Variants in CCDC33 observed in about 807,000 individuals in gnomAD.
CCDC33 encodes the protein coiled-coil domain containing 33.
A neutral mutation model predicts 91.9 loss-of-function variants in CCDC33; 94 were observed. The observed-to-expected ratio is 1.02, with a 90% CI of 0.87 to 1.21. CCDC33 has a LOEUF of 1.21. Ranked by LOEUF, CCDC33 falls within the 50% of genes most tolerant of loss-of-function variation. The probability of loss-of-function intolerance (pLI) is 0.00; values close to 1 mark genes in which losing one functional copy is unlikely to be tolerated. For synonymous variants in CCDC33, 396 were observed against 374.5 expected (o/e 1.06, Z -0.66); for missense variants, 940 against 935.5 (o/e 1.00, Z -0.06).
chr15:74,212,360 G>T (rs2074376366), upstream of CCDC33: 1 of 152,304 alleles, frequency 6.6e-6, no homozygotes, highest in Admixed American at 6.5e-5. Flanking sequence ...GTCTGGCAGA[G>T]GGGGGCTGTC....
chr15:74,223,421 G>A lies in CCDC33; in HGVS notation c.675+4560G>A, dbSNP rs571380762. On this transcript the variant is annotated intron_variant, in intron 2 of 2. Transcript: ENST00000635913. ...GTTCCCCCTCCTCCTCCTTTCCTGC[G>A]CTTCACCAAACACAGAGGACTGGAG... Among the ~76,000 whole-genome samples the A allele has an allele frequency of 1.5e-3, 221 of 152,158 alleles. 1 individual carries two copies. Among genetic ancestry groups the A allele is most frequent in the South Asian group, 7.9e-3 (38 of 4,810 alleles).
intron 11 of CCDC33, among the ~76,000 whole-genome samples, chr15:74,321,409 C>T (rs1445190184): frequency 1.3e-5 from 2 of 151,262 alleles, no homozygotes; most frequent in East Asian, 2.0e-4. Flanking sequence ...GGATTACAGG[C>T]ATCCACCACC....
At chr15:74,231,488 G>A (rs898566535), upstream of CCDC33, among the ~76,000 whole-genome samples, 2 of 152,230 alleles carry the variant, frequency 1.3e-5, no homozygotes, top group African/African-American at 4.8e-5. Context: ...CATTCAAAAG[G>A]CCAGGTGTTT....
chr15:74,207,822 T>G (rs375111627), intron 1 of CCDC33: 44 of 1,535,084 alleles, frequency 2.9e-5, no homozygotes, highest in South Asian at 2.7e-4. Context: ...CCAACTGCCC[T>G]TCGCACACAT....
Position 74,223,396 on chromosome 15 carries a change from G to T in CCDC33, c.675+4535G>T, listed in dbSNP as rs1029025846. Among the ~76,000 whole-genome samples, 6 of 152,164 alleles carry T rather than the reference G, an allele frequency of 3.9e-5. No homozygotes were observed. The East Asian group carries it at 9.6e-4, about 24-fold the overall frequency. On this transcript the variant is annotated intron_variant, in intron 2 of 2. Transcript: ENST00000635913. ...GATGTCCCAGCCCTTGGGTACTGGG[G>T]TTCCCCCTCCTCCTCCTTTCCTGCG...
chr15:74,330,097 G>C, intron 11 of CCDC33, 92 bp from the exon 12 acceptor site: 1 of 1,433,220 alleles, frequency 7.0e-7, no homozygotes, highest in Non-Finnish European at 9.4e-7. Context: ...CTGGCCTTGT[G>C]GGGGACCCAC....
intron 3 of CCDC33, 79 bp downstream of exon 3, chr15:74,262,652 C>T (rs2076058958): frequency 6.7e-7 from 1 of 1,482,418 alleles, no homozygotes; most frequent in South Asian, 1.3e-5. Context: ...GAAGCAGGCT[C>T]CCTCTCACTG....
chr15:74,323,525 T>C lies in CCDC33; in HGVS notation c.1291-6664T>C, dbSNP rs551578175. ...CTTTGCTTCTTTATTTTTTTATTTT[T>C]TAATTATTTTTTTTATTTTTGGGAC... On this transcript the variant is annotated intron_variant, in intron 11 of 18. Coordinates refer to ENST00000398814, the MANE Select transcript of CCDC33 (RefSeq NM_025055.5). Among the ~76,000 whole-genome samples the C allele has an allele frequency of 2.8e-3, 310 of 112,580 alleles. 2 individuals are homozygous for C. The highest frequency in any genetic ancestry group is 0.013 in the African/African-American group (294 of 22,204). 73.9% of individuals were successfully genotyped at this position (112,580 alleles called of 152,430 possible).
chr15:74,328,694 G>A (rs2060361108), intron 11 of CCDC33, among the ~76,000 whole-genome samples: 1 of 152,214 alleles, frequency 6.6e-6, no homozygotes, highest in Admixed American at 6.5e-5. Context: ...AGTGGTGTCT[G>A]GTGGGCCCCT....
chr15:74,272,843 C>T lies in CCDC33; in HGVS notation c.711C>T (p.Ser237=). 1.2e-6 allele frequency: 2 copies of T among 1,614,228 alleles called. No homozygotes were observed. The highest frequency in any genetic ancestry group is 1.1e-5 in the South Asian group (1 of 91,080). ...CCCCACTGTCCTTCCCTATCCCGTC[C>T]ATGATGAACTTTGACGTGCCTCGCG... ...PITPLSFPIP[S]MMNFDVPRVS... The change falls in exon 7 of 19, where the codon TCC becomes TCT. Residue 237 remains serine, a synonymous_variant. Coordinates refer to ENST00000398814, the MANE Select transcript of CCDC33 (RefSeq NM_025055.5).
rs1489513000 is a variant in CCDC33, at chr15:74,331,054, A to G, written c.1619A>G (p.Tyr540Cys). The change falls in exon 14 of 19, where the codon TAC becomes TGC. Residue 540 changes from tyrosine to cysteine, a missense_variant. Physicochemically the swap from Tyr to Cys is radical, Grantham distance 194 (BLOSUM62 -2). Transcript: ENST00000398814. ...CCACAGGCCGCTCTGCTGAAGCAGT[A>G]CCAGGGCAAGCTGCAGAAGATGAAG... is the stretch of plus-strand genomic sequence containing the variant. Reference protein sequence around the residue: ...QQPQAALLKQYQGKLQKMKAL... With the variant: ...QQPQAALLKQCQGKLQKMKAL... 2 of 1,613,480 alleles carry G rather than the reference A, an allele frequency of 1.2e-6. No individual in the cohort carries two copies. Among genetic ancestry groups the G allele is most frequent in the Non-Finnish European group, 1.7e-6 (2 of 1,179,692 alleles).
Position 74,218,684 on chromosome 15 carries a change from C to A in CCDC33, c.498C>A (p.Asn166Lys), listed in dbSNP as rs1201598667. ...AGGACCTGTACCGCTACTGTGGCAA[C>A]CTGGCTCTGCTCCGGGCTAGCACGG... Residue 166 changes from asparagine to lysine, a missense_variant, in exon 2 of 3, where the codon AAC becomes AAA. By Grantham distance (94) the Asn-to-Lys change is moderately conservative. Coordinates refer to the CCDC33 transcript ENST00000635913. The surrounding 1 kb of genome is among the most constrained non-coding windows in gnomAD (Gnocchi z 4.8). 7 of 1,289,760 alleles carry A rather than the reference C, an allele frequency of 5.4e-6. No homozygotes were observed. The highest frequency in any genetic ancestry group is 6.1e-6 in the Non-Finnish European group (6 of 988,898). The allele number at this position is 1,289,760 out of a possible 1,614,324, so 79.9% of individuals were successfully genotyped here.
At chr15:74,228,401 A>G (rs553287761) in intron 2 of CCDC33, among the ~76,000 whole-genome samples, 6 of 152,366 alleles carry the variant, frequency 3.9e-5, no homozygotes, top group African/African-American at 1.4e-4. Flanking sequence ...TTTAAAGACT[A>G]TAGCCAATGC....
intron 1 of CCDC33, among the ~76,000 whole-genome samples, chr15:74,238,300 C>G (rs941501403): frequency 6.6e-6 from 1 of 151,048 alleles, no homozygotes; most frequent in Non-Finnish European, 1.5e-5. Context: ...CCCAGCTACT[C>G]GGGAGGCTGA....
intron 2 of CCDC33, among the ~76,000 whole-genome samples, chr15:74,251,688 T>C (rs1044387579): frequency 3.9e-5 from 6 of 152,078 alleles, no homozygotes; most frequent in African/African-American, 1.5e-4. Context: ...TTGGTTTTCT[T>C]AGATAAGCCT....
chr15:74,239,737 A>G (rs2075286347), intron 1 of CCDC33, among the ~76,000 whole-genome samples: 1 of 152,204 alleles, frequency 6.6e-6, no homozygotes, highest in Non-Finnish European at 1.5e-5. Flanking sequence ...GATGGTGAGC[A>G]TCCAGCTTTG....
chr15:74,307,101 G>A (rs550429715), intron 11 of CCDC33, among the ~76,000 whole-genome samples: 2 of 152,150 alleles, frequency 1.3e-5, no homozygotes, highest in Admixed American at 6.5e-5. Flanking sequence ...GTGGGTGGGC[G>A]AGGCAGGAGT....
chr15:74,234,031 A>G (rs1324800923), upstream of CCDC33, among the ~76,000 whole-genome samples: 1 of 152,152 alleles, frequency 6.6e-6, no homozygotes, highest in Non-Finnish European at 1.5e-5. Context: ...CTGCTTCCTC[A>G]GACTCCAGGC....
In CCDC33 at chr15:74,331,215, A is replaced by G. The variant is rs199573669; in HGVS notation, c.1690A>G (p.Met564Val). 4.3e-5 allele frequency: 69 copies of G among 1,614,026 alleles called. No individual in the cohort carries two copies. Among genetic ancestry groups the G allele is most frequent in the Non-Finnish European group, 5.7e-5 (67 of 1,180,000 alleles). The change falls in exon 15 of 19, where the codon ATG (methionine) becomes GTG (valine). Residue 564 changes from methionine to valine, a missense_variant. Coordinates refer to ENST00000398814, the MANE Select transcript of CCDC33 (RefSeq NM_025055.5). ...VRHQEKVIEK[M>V]ERVLEDRLQD... ...CTCTGCTCTCCAGGTGATCGAGAAG[A>G]TGGAGCGGGTGCTGGAGGACAGGCT... is the stretch of plus-strand genomic sequence containing the variant.
Sources: gnomAD v4.1 joint callset for allele counts (sites outside exome capture counted in the v4.1 genomes callset) on GRCh38, gnomAD v4.1.1 for gene constraint, Gnocchi (gnomAD v3.1) non-coding constraint, MANE v1.5 for transcripts, NCBI Gene and HGNC (gene_info 2026-07-23, HGNC 2026-07-21) for gene names.